CDH23: variants seen among roughly 807,000 people sequenced by gnomAD.
CDH23 encodes the protein cadherin-23.
CDH23 carries 189 observed loss-of-function variants against 317.1 expected under a neutral mutation model. That is an observed-to-expected ratio of 0.60 (90% CI 0.53 to 0.67). The LOEUF (loss-of-function observed/expected upper bound fraction) is 0.67. Ranked by LOEUF, CDH23 falls within the 30% of genes least tolerant of loss-of-function variation. CDH23 has a pLI of 0.00. For missense variants in CDH23, 4,401 were observed against 4,592.4 expected, an observed-to-expected ratio of 0.96 and a Z score of 1.20; for synonymous variants, 1,839 against 1,876.8, an observed-to-expected ratio of 0.98 and a Z score of 0.52.
At chr10:71,614,253 G>A (rs534983559) in intron 9 of CDH23, among the ~76,000 whole-genome samples, 2 of 152,336 alleles carry the variant, frequency 1.3e-5, no homozygotes, top group South Asian at 2.1e-4. Context: ...TTCCTGGCAC[G>A]CTGACATCTG....
chr10:71,703,147 C>T, intron 24 of CDH23, among the ~76,000 whole-genome samples: 1 of 152,156 alleles, frequency 6.6e-6, no homozygotes, highest in East Asian at 1.9e-4. Context: ...GCCCAAGACC[C>T]CTTGGCCAAG....
At chr10:71,789,387 G>T (rs189856909) in intron 45 of CDH23, among the ~76,000 whole-genome samples, 1 of 152,160 alleles carries the variant, frequency 6.6e-6, no homozygotes, top group Admixed American at 6.5e-5. Flanking sequence ...CCCCAGGAGT[G>T]CAGGGCATCC....
chr10:71,722,104 A>G (rs1395236224), intron 28 of CDH23, among the ~76,000 whole-genome samples: 1 of 152,216 alleles, frequency 6.6e-6, no homozygotes, highest in East Asian at 1.9e-4. Flanking sequence ...AGGAAAGCCT[A>G]CATTAGGGCT....
At chr10:71,678,402 C>T (rs539028065) in intron 16 of CDH23, among the ~76,000 whole-genome samples, 29 of 152,290 alleles carry the variant, frequency 1.9e-4, no homozygotes, top group African/African-American at 6.7e-4. Flanking sequence ...CAAGTGCTTC[C>T]TGCAGCAAGT....
intron 48 of CDH23, chr10:71,796,035 G>A (rs941754055): frequency 6.1e-6 from 6 of 986,868 alleles, no homozygotes; most frequent in African/African-American, 1.7e-5. Context: ...GACAGGGAGC[G>A]AGAGTAGGAA....
At chr10:71,643,954 C>T in intron 12 of CDH23, 88 bp downstream of exon 12, 1 of 748,600 alleles carries the variant, frequency 1.3e-6, no homozygotes, top group Non-Finnish European at 2.4e-6. Flanking sequence ...GGGCACAGCT[C>T]AGCCCTCCCC....
chr10:71,748,944 C>A (rs771183134), intron 38 of CDH23: 1 of 152,894 alleles, frequency 6.5e-6, no homozygotes, highest in Non-Finnish European at 1.5e-5. Context: ...ACCACGAAGC[C>A]CAGATGCGTT....
chr10:71,641,228 A>C (rs1024278485), intron 11 of CDH23, among the ~76,000 whole-genome samples: 1 of 152,162 alleles, frequency 6.6e-6, no homozygotes, highest in Non-Finnish European at 1.5e-5. Context: ...GCACGAGAGA[A>C]ATGTAGCTTT....
intron 11 of CDH23, among the ~76,000 whole-genome samples, chr10:71,622,244 T>A (rs2132531940): frequency 6.6e-6 from 1 of 152,224 alleles, no homozygotes; most frequent in South Asian, 2.1e-4. Context: ...GTGCCGCCCT[T>A]GCCCCCAACA....
Position 71,566,910 on chromosome 10 carries a change from G to C in CDH23, c.598G>C (p.Ala200Pro). The stretch of plus-strand genomic sequence containing the variant: ...GGAGCTGGACTACGAGACCACACAG[G>C]CCTACCAGCTCACGGTCAACGCCAC... Reference protein sequence around the residue: ...IRELDYETTQAYQLTVNATDQ... With the variant: ...IRELDYETTQPYQLTVNATDQ... Residue 200 changes from alanine to proline, a missense_variant, in exon 7 of 70, where the codon GCC becomes CCC. Transcript: ENST00000224721. The C allele has an allele frequency of 6.2e-7, 1 of 1,613,384 alleles. No homozygotes were observed. Among genetic ancestry groups the C allele is most frequent in the Non-Finnish European group, 8.5e-7 (1 of 1,179,876 alleles).
At chr10:71,813,209 G>A in intron 68 of CDH23, 35 bp from the exon 69 acceptor site, 1 of 1,537,780 alleles carries the variant, frequency 6.5e-7, no homozygotes, top group South Asian at 1.2e-5. Flanking sequence ...GGCAGGGGAG[G>A]GCCTTGGTGG....
rs532130952 is a variant in CDH23 at position 71,429,581 on chromosome 10, A to G, written c.-5-10246A>G. Among the ~76,000 whole-genome samples, 6 of 152,196 alleles carry G rather than the reference A, an allele frequency of 3.9e-5. No homozygotes were observed. In the Middle Eastern group the frequency reaches 0.014, roughly 345 times the overall value. On this transcript the variant is annotated intron_variant, in intron 1 of 69. Transcript: ENST00000224721. ...ATGAGCTGGCAGGTTTGAGGCTGAG[A>G]GGGGCTAGTGTGGCTGAAATACAGT...
At chr10:71,409,613 T>G (rs1396724898) in intron 1 of CDH23, among the ~76,000 whole-genome samples, 1 of 152,126 alleles carries the variant, frequency 6.6e-6, no homozygotes, top group African/African-American at 2.4e-5. Context: ...CGGGCAGTGC[T>G]TGGGACAGGA....
At chr10:71,528,775 C>G (rs1374931143) in intron 6 of CDH23, among the ~76,000 whole-genome samples, 1 of 152,208 alleles carries the variant, frequency 6.6e-6, no homozygotes, top group Non-Finnish European at 1.5e-5. Context: ...AACATGCTCC[C>G]CTGGGACTCT....
At chr10:71,644,183 A>G (rs1219852376) in intron 12 of CDH23, among the ~76,000 whole-genome samples, 1 of 152,200 alleles carries the variant, frequency 6.6e-6, no homozygotes, top group Admixed American at 6.5e-5. Context: ...CCTTGCCCCC[A>G]CATCCCCTGG....
chr10:71,720,235 T>C (rs1376495283), intron 28 of CDH23, among the ~76,000 whole-genome samples: 1 of 152,132 alleles, frequency 6.6e-6, no homozygotes, highest in Non-Finnish European at 1.5e-5. Flanking sequence ...TCCAGGCTTT[T>C]CCCTCAGCTT....
intron 3 of CDH23, among the ~76,000 whole-genome samples, chr10:71,476,990 T>A (rs1851825225): frequency 6.6e-6 from 1 of 152,140 alleles, no homozygotes; most frequent in Non-Finnish European, 1.5e-5. Context: ...CTTTGCTTCT[T>A]GAGATCTGTG....
At chr10:71,515,725 G>T (rs1169270454) in intron 6 of CDH23, among the ~76,000 whole-genome samples, 1 of 152,192 alleles carries the variant, frequency 6.6e-6, no homozygotes, top group Non-Finnish European at 1.5e-5. Flanking sequence ...TGTCTTGCAG[G>T]ATTGCTGTAG....
chr10:71,811,604 A>G lies in CDH23; in HGVS notation c.9278+14A>G, dbSNP rs745596286. ...CTACAGGACTGTGTGAGTGTCCCCC[A>G]CCCCTGCCATCAGGGGGCCGACCAC... On this transcript the variant is annotated intron_variant, in intron 64 of 69. Transcript: ENST00000224721. 2 of 1,613,210 alleles carry G rather than the reference A, an allele frequency of 1.2e-6. No individual in the cohort carries two copies. The highest frequency in any genetic ancestry group is 1.7e-5 in the Admixed American group (1 of 59,978).
Sources: allele counts gnomAD v4.1 joint callset (sites outside exome capture counted in the v4.1 genomes callset), GRCh38; gene constraint gnomAD v4.1.1; transcripts MANE v1.5; gene names NCBI Gene and HGNC (gene_info 2026-07-23, HGNC 2026-07-21).